CACNA1C: variants seen among roughly 807,000 people sequenced by gnomAD.
CACNA1C encodes calcium voltage-gated channel subunit alpha1 C.
CACNA1C carries 30 observed loss-of-function variants against 229.0 expected under a neutral mutation model. That is an observed-to-expected ratio of 0.13 (90% CI 0.10 to 0.18). The LOEUF (loss-of-function observed/expected upper bound fraction) is 0.18, where lower values mean the gene tolerates loss of function less well. CACNA1C is among the 10% of genes least tolerant of loss of function. The probability of loss-of-function intolerance (pLI) is 1.00; values close to 1 mark genes in which losing one functional copy is unlikely to be tolerated. For missense variants in CACNA1C, 1,658 were observed against 2,845.0 expected (o/e 0.58, Z 9.49); for synonymous variants, 1,114 against 1,132.5 (o/e 0.98, Z 0.33).
chr12:2,670,657 G>T (rs1392730567), intron 38 of CACNA1C, among the ~76,000 whole-genome samples: 1 of 152,058 alleles, frequency 6.6e-6, no homozygotes, highest in Non-Finnish European at 1.5e-5. Flanking sequence ...TCAGGAGATT[G>T]AGACCATCCT....
At chr12:2,087,060 C>T (rs2067984146) in intron 1 of CACNA1C, among the ~76,000 whole-genome samples, 1 of 152,078 alleles carries the variant, frequency 6.6e-6, no homozygotes, top group Admixed American at 6.6e-5. Context: ...CTTCTATCTC[C>T]CAGGCTGGGT....
Position 2,585,460 on chromosome 12 carries a change from C to T in CACNA1C, c.2424C>T (p.Ser808=). 2 of 1,586,654 alleles carry T rather than the reference C, an allele frequency of 1.3e-6. No homozygotes were observed. The highest frequency in any genetic ancestry group is 1.1e-5 in the South Asian group (1 of 87,686). Residue 808 remains serine (S), a synonymous_variant, in exon 17 of 47, where the codon TCC becomes TCT. Transcript: ENST00000399655. This position sits in a 1 kb window ranked among gnomAD's most constrained non-coding sequence, Gnocchi z 4.1. ...ESKEEKIELK[S]ITADGESPPA... is the part of the protein sequence containing the mutation. ...AGGAGGAGAAGATTGAGCTGAAATC[C>T]ATCACGGCTGACGGAGAGTCTCCAC...
chr12:2,250,723 T>C (rs2075300726), intron 3 of CACNA1C, among the ~76,000 whole-genome samples: 1 of 152,230 alleles, frequency 6.6e-6, no homozygotes, highest in Admixed American at 6.5e-5. Flanking sequence ...CCTTGGGCAC[T>C]CATTCCATTG....
intron 3 of CACNA1C, among the ~76,000 whole-genome samples, chr12:2,286,833 G>T (rs2092753423): frequency 1.3e-5 from 2 of 152,242 alleles, no homozygotes; most frequent in Admixed American, 6.5e-5. Context: ...CTCATAACAG[G>T]AGAAAGGATT....
chr12:2,106,854 C>T (rs1310192212), intron 1 of CACNA1C, among the ~76,000 whole-genome samples: 36 of 73,118 alleles, frequency 4.9e-4, no homozygotes, highest in Admixed American at 9.3e-4. Flanking sequence ...CACTGGGCGC[C>T]CACCCTGGAG....
At chr12:2,524,966 G>T (rs1415902936) in intron 9 of CACNA1C, among the ~76,000 whole-genome samples, 1 of 152,316 alleles carries the variant, frequency 6.6e-6, no homozygotes. Context: ...AAGCTGAGGG[G>T]GCTACATTTG....
intron 43 of CACNA1C, among the ~76,000 whole-genome samples, chr12:2,683,318 T>C (rs1206619764): frequency 1.3e-5 from 2 of 152,224 alleles, no homozygotes. Flanking sequence ...ACTTGCTTAA[T>C]TGCCAACAGA....
chr12:2,028,159 A>AT (rs2047638429), intron 1 of CACNA1C, among the ~76,000 whole-genome samples: 2 of 152,206 alleles, frequency 1.3e-5, no homozygotes, highest in South Asian at 4.1e-4. Context: ...TTTAGGTTTT[A>AT]TTTTCAAAAG....
rs2049596686 is a variant in CACNA1C, at chr12:2,038,850, G to A, written c.139+67649G>A. On this transcript the variant is annotated intron_variant, in intron 1 of 46. Transcript: ENST00000682462. Reference sequence around the variant, plus strand: ...CCTAGCAATTCACTCCAATATTACAGCAACACCCTGACTGTCCTGTGCCCA... The same window carrying A: ...CCTAGCAATTCACTCCAATATTACAACAACACCCTGACTGTCCTGTGCCCA... Among the ~76,000 whole-genome samples, 4 of 151,768 alleles carry A rather than the reference G, an allele frequency of 2.6e-5. No individual in the cohort carries two copies. In the South Asian group the frequency reaches 6.2e-4, roughly 24 times the overall value.
chr12:1,989,264 A>T (rs1287517302), intron 1 of CACNA1C, among the ~76,000 whole-genome samples: 1 of 152,194 alleles, frequency 6.6e-6, no homozygotes, highest in Non-Finnish European at 1.5e-5. Context: ...TTAGCCCAGG[A>T]GTTCAAGGTT....
At chr12:2,395,629 A>C (rs367853981) in intron 3 of CACNA1C, among the ~76,000 whole-genome samples, 36 of 152,278 alleles carry the variant, frequency 2.4e-4, no homozygotes, top group African/African-American at 8.7e-4. Context: ...TGGAAGAGCC[A>C]AGTGGCTGGC....
chr12:2,538,732 A>G (rs932648498), intron 9 of CACNA1C, among the ~76,000 whole-genome samples: 5 of 152,244 alleles, frequency 3.3e-5, no homozygotes, highest in Admixed American at 6.5e-5. Context: ...TCCTTCATCT[A>G]TCCACTTGAC....
intron 1 of CACNA1C, among the ~76,000 whole-genome samples, chr12:2,089,662 G>A (rs1485344404): frequency 2.0e-5 from 3 of 152,150 alleles, no homozygotes; most frequent in African/African-American, 7.2e-5. Flanking sequence ...TTTTCAATCT[G>A]AATCATTTTT....
At chr12:2,204,278 C>G (rs191478356) in intron 3 of CACNA1C, among the ~76,000 whole-genome samples, 2,980 of 152,040 alleles carry the variant, frequency 0.02, 44 homozygotes, top group Non-Finnish European at 0.029. Flanking sequence ...TCATGTCCTT[C>G]GCCCACTTTT....
chr12:2,340,618 A>G (rs1411351200), intron 3 of CACNA1C, among the ~76,000 whole-genome samples: 1 of 152,198 alleles, frequency 6.6e-6, no homozygotes, highest in African/African-American at 2.4e-5. Context: ...GTCCCTGGAA[A>G]TGTATTGAGA....
At chr12:2,171,892 TG>T (rs1476047513) in intron 3 of CACNA1C, among the ~76,000 whole-genome samples, 3 of 152,088 alleles carry the variant, frequency 2.0e-5, no homozygotes, top group Non-Finnish European at 4.4e-5. Flanking sequence ...ATGATAGGTC[TG>T]GGAGGACGGC....
chr12:2,047,354 AT>A (rs1198348607), intron 1 of CACNA1C, among the ~76,000 whole-genome samples: 7 of 152,164 alleles, frequency 4.6e-5, no homozygotes, highest in African/African-American at 1.4e-4. Flanking sequence ...TACTTGGACT[AT>A]TTCATTTCAT....
chr12:1,993,627 GGTGT>G lies in CACNA1C; in HGVS notation c.139+22453_139+22456del, dbSNP rs150056084. ...TAAAATTGAGTCATACTTCATTTGTGGTGTGTGTGTGTGTGTGTGTGTGTGTGTG... is the reference window on the plus strand; with the variant it reads ...TAAAATTGAGTCATACTTCATTTGTGGTGTGTGTGTGTGTGTGTGTGTGTG... On this transcript the variant is annotated intron_variant, in intron 1 of 46. Transcript: ENST00000682462. Among the ~76,000 whole-genome samples the G allele has an allele frequency of 8.6e-3, 1,260 of 146,662 alleles. 10 individuals carry two copies. The highest frequency in any genetic ancestry group is 0.013 in the Non-Finnish European group (871 of 66,200).
At chr12:2,000,321 C>T (rs936266451) in intron 1 of CACNA1C, among the ~76,000 whole-genome samples, 1 of 152,198 alleles carries the variant, frequency 6.6e-6, no homozygotes, top group African/African-American at 2.4e-5. Flanking sequence ...GATCAAAACA[C>T]TCTCCTGGTC....
Sources: gnomAD v4.1 joint callset for allele counts (sites outside exome capture counted in the v4.1 genomes callset) on GRCh38, gnomAD v4.1.1 for gene constraint, Gnocchi (gnomAD v3.1) non-coding constraint, MANE v1.5 for transcripts, NCBI Gene and HGNC (gene_info 2026-07-23, HGNC 2026-07-21) for gene names.